The following MAPK8IP2 variants were observed in gnomAD, a reference collection of about 807,000 sequenced individuals.
The protein encoded by MAPK8IP2 is C-Jun-amino-terminal kinase-interacting protein 2.
A neutral mutation model predicts 75.6 loss-of-function variants in MAPK8IP2; 15 were observed. The ratio of observed to expected loss-of-function variants is 0.20; its 90% CI spans 0.13 to 0.31. The LOEUF (loss-of-function observed/expected upper bound fraction) is 0.31, where lower values mean the gene tolerates loss of function less well. Among genes scored for constraint, MAPK8IP2 ranks in the 10% least tolerant of loss-of-function variants. The pLI, the probability that MAPK8IP2 is intolerant of heterozygous loss-of-function variation, is 1.00. For synonymous variants in MAPK8IP2, 632 were observed against 554.5 expected (o/e 1.14, Z -1.96); for missense variants, 1,089 against 1,211.2 (o/e 0.90, Z 1.50).
chr22:50,601,591 C>T (rs948898458), intron 1 of MAPK8IP2, 198 bp from the exon 2 acceptor site: 12 of 562,118 alleles, frequency 2.1e-5, no homozygotes, highest in Non-Finnish European at 3.9e-5. Context: ...TCCGGGCAGG[C>T]CTGGCTCAGA....
In MAPK8IP2 at chr22:50,611,627, C is replaced by G. The variant is rs2071152799; in HGVS notation, c.*848C>G. On this transcript the variant is annotated 3_prime_UTR_variant, in exon 12 of 12. Coordinates refer to ENST00000329492, the MANE Select transcript of MAPK8IP2 (RefSeq NM_012324.6). This position sits in a 1 kb window ranked among gnomAD's most constrained non-coding sequence, Gnocchi z 5.5. ...GCCCATTGTGGTAGGGACAGAGTCC[C>G]CAGTGGCGGGAGTGTTGTGGCAATC... is the stretch of plus-strand genomic sequence containing the variant. 2.0e-5 allele frequency: 3 copies of G among 152,518 alleles called. No individual in the cohort carries two copies. The highest frequency in any genetic ancestry group is 1.9e-4 in the East Asian group (1 of 5,188). The allele number at this position is 152,518 out of a possible 1,614,324, so 9.4% of individuals were successfully genotyped here.
chr22:50,610,877 G>A lies in MAPK8IP2; in HGVS notation c.*98G>A, dbSNP rs2071137819. 9.4e-7 allele frequency: 1 copy of A among 1,058,876 alleles called. No individual in the cohort carries two copies. The highest frequency in any genetic ancestry group is 1.6e-5 in the African/African-American group (1 of 63,342). The allele number at this position is 1,058,876 out of a possible 1,614,324, so 65.6% of individuals were successfully genotyped here. A position where few individuals can be genotyped will look rare whatever the true frequency, so the allele number is the denominator to read the frequency against. ...CATGGCTTTGGCAAGGACTGGATTG[G>A]GGGGACATGGGACCTTACGCTTGTG... On this transcript the variant is annotated 3_prime_UTR_variant, in exon 12 of 12. Transcript: ENST00000329492. The surrounding 1 kb of genome is among the most constrained non-coding windows in gnomAD (Gnocchi z 4.3).
rs1470814170 is a variant in MAPK8IP2, at chr22:50,601,868, A to G, written c.145A>G (p.Ser49Gly). Residue 49 changes from serine to glycine, a missense_variant, in exon 2 of 12, where the codon AGC (serine) becomes GGC (glycine). This residue lies in a region of MAPK8IP2 where 960 missense variants were observed against 1,009.6 expected (regional missense o/e 0.95). Transcript: ENST00000329492. ...CACTGATGACTGTGGCCTGGGCCTC[A>G]GCTACGACTCAGACCACTGTGAGAA... Reference protein sequence around the residue: ...EITDDCGLGLSYDSDHCEKDS... With the variant: ...EITDDCGLGLGYDSDHCEKDS... The G allele has an allele frequency of 8.7e-6, 14 of 1,613,726 alleles. No individual in the cohort carries two copies. The highest frequency in any genetic ancestry group is 3.3e-4 in the Middle Eastern group (2 of 6,080).
chr22:50,603,577 C>A (rs41282361), intron 3 of MAPK8IP2, 49 bp from the exon 4 acceptor site: 2 of 1,581,736 alleles, frequency 1.3e-6, no homozygotes, highest in East Asian at 2.3e-5. Context: ...CTGCTCACCC[C>A]CTGGGAGCTG....
Position 50,604,546 on chromosome 22 carries a change from C to A in MAPK8IP2, c.1247C>A (p.Ala416Glu), listed in dbSNP as rs2071007865. 8.8e-7 allele frequency: 1 copy of A among 1,141,534 alleles called. No individual in the cohort carries two copies. The highest frequency in any genetic ancestry group is 4.9e-5 in the Admixed American group (1 of 20,240). 70.7% of individuals were successfully genotyped at this position (1,141,534 alleles called of 1,614,324 possible). A position where few individuals can be genotyped will look rare whatever the true frequency, so the allele number is the denominator to read the frequency against. ...VELVDMETLC[A>E]PPPPAPAAPR... ...CTGGTGGACATGGAGACGCTGTGCG[C>A]GCCGCCGCCGCCCGCGCCCGCCGCG... The change falls in exon 5 of 12, where the codon GCG becomes GAG. Residue 416 changes from alanine (A) to glutamate (E), a missense_variant. Around this residue, in one of 2 missense-constraint regions of MAPK8IP2, gnomAD observed 960 missense variants for 1,009.6 expected, o/e 0.95. Coordinates refer to ENST00000329492, the MANE Select transcript of MAPK8IP2 (RefSeq NM_012324.6).
intron 9 of MAPK8IP2, 47 bp downstream of exon 9, chr22:50,606,812 G>A: frequency 6.3e-7 from 1 of 1,592,160 alleles, no homozygotes; most frequent in Non-Finnish European, 8.6e-7. Context: ...GATAGGGTTA[G>A]GCCACGGAGT....
rs766421883 is a variant in MAPK8IP2, at chr22:50,605,703, T to C, written c.1983T>C (p.His661=). 8.1e-6 allele frequency: 13 copies of C among 1,610,874 alleles called. No individual in the cohort carries two copies. In the African/African-American group the frequency reaches 1.6e-4, roughly 20 times the overall value. The change falls in exon 7 of 12, where the codon CAT becomes CAC. Residue 661 remains histidine (H), a synonymous_variant. Coordinates refer to ENST00000329492, the MANE Select transcript of MAPK8IP2 (RefSeq NM_012324.6). ...ERGVFPAFYA[H]AVPGPAKDLL... ...GTGTGTTTCCTGCCTTCTACGCCCA[T>C]GCGGTGCCCGGCCCTGCCAAGGACC...
Position 50,604,595 on chromosome 22 carries a change from C to G in MAPK8IP2, c.1296C>G (p.Pro432=). The G allele has an allele frequency of 1.4e-6, 2 of 1,456,032 alleles. No homozygotes were observed. Among genetic ancestry groups the G allele is most frequent in the Middle Eastern group, 2.5e-4 (1 of 4,052 alleles). 90.2% of individuals were successfully genotyped at this position (1,456,032 alleles called of 1,614,324 possible). A position where few individuals can be genotyped will look rare whatever the true frequency, so the allele number is the denominator to read the frequency against. Residue 432 remains proline (P), a synonymous_variant, in exon 5 of 12, where the codon CCC becomes CCG. Coordinates refer to ENST00000329492, the MANE Select transcript of MAPK8IP2 (RefSeq NM_012324.6). ...PAAPRPGPAQ[P]GPCLFLSNPT... is the part of the protein sequence containing the mutation. The stretch of plus-strand genomic sequence containing the variant: ...CGCCTCGACCCGGCCCCGCGCAGCC[C>G]GGGCCCTGCCTATTCCTCAGCAACC...
In MAPK8IP2 at chr22:50,604,390, C is replaced by T. The variant is rs538471138; in HGVS notation, c.1091C>T (p.Ser364Leu). 2.6e-6 allele frequency: 4 copies of T among 1,524,298 alleles called. No homozygotes were observed. The African/African-American group carries it at 4.2e-5, about 16-fold the overall frequency. The allele number at this position is 1,524,298 out of a possible 1,614,324, so 94.4% of individuals were successfully genotyped here. A position where few individuals can be genotyped will look rare whatever the true frequency, so the allele number is the denominator to read the frequency against. ...LVSRMISEGS[S>L]PIRCPGQCLS... ...AGCCGCATGATCTCCGAGGGCTCCT[C>T]GCCCATCCGCTGCCCCGGCCAGTGC... Residue 364 changes from serine to leucine, a missense_variant, in exon 5 of 12, where the codon TCG becomes TTG. Physicochemically the swap from Ser to Leu is moderately radical, Grantham distance 145. Coordinates refer to ENST00000329492, the MANE Select transcript of MAPK8IP2 (RefSeq NM_012324.6).
chr22:50,605,164 G>T (rs573643014), intron 5 of MAPK8IP2, 100 bp downstream of exon 5: 8 of 1,417,530 alleles, frequency 5.6e-6, no homozygotes, highest in Non-Finnish European at 7.8e-6. Context: ...CCACCTGAGG[G>T]TCTGGCTGTG....
At position 50,613,966 on chromosome 22, in the gene MAPK8IP2, G is replaced by A. The variant is rs2071188041; in HGVS notation, c.*3187G>A. ...AAGGATGGCGTTCTAAATAAAACGC[G>A]TTCTACAGAAAAGTGTTTATTGCAT... On this transcript the variant is annotated 3_prime_UTR_variant, in exon 12 of 12. Coordinates refer to ENST00000329492, the MANE Select transcript of MAPK8IP2 (RefSeq NM_012324.6). The A allele has an allele frequency of 6.6e-6, 1 of 152,234 alleles. No individual in the cohort carries two copies. The highest frequency in any genetic ancestry group is 6.5e-5 in the Admixed American group (1 of 15,278). 9.4% of individuals were successfully genotyped at this position (152,234 alleles called of 1,614,324 possible). A position where few individuals can be genotyped will look rare whatever the true frequency, so the allele number is the denominator to read the frequency against.
chr22:50,600,839 G>GT lies in MAPK8IP2; in HGVS notation c.25dup (p.Ser9PhefsTer25). On this transcript the variant is annotated frameshift_variant, in exon 1 of 12. Coordinates refer to ENST00000329492, the MANE Select transcript of MAPK8IP2 (RefSeq NM_012324.6). LOFTEE classifies it high-confidence loss of function. The stretch of plus-strand genomic sequence containing the variant: ...AGAAGATGGCGGATCGCGCGGAGAT[G>GT]TTTTCTCTCTCCACCTTCCACTCGC... 2.3e-6 allele frequency: 3 copies of GT among 1,310,682 alleles called. No homozygotes were observed. Among genetic ancestry groups the GT allele is most frequent in the East Asian group, 5.3e-5 (1 of 18,742 alleles). The allele number at this position is 1,310,682 out of a possible 1,614,324, so 81.2% of individuals were successfully genotyped here.
At position 50,607,945 on chromosome 22, in the gene MAPK8IP2, CTG is replaced by C. The variant is rs1491542476; in HGVS notation, c.2303+958_2303+959del. ...CCCTCCAGGCACAGGCCCCTGCCCT[CTG>C]TGTCCCAGCACCCTAGAGGAAGGAG... On this transcript the variant is annotated intron_variant, in intron 10 of 11. Coordinates refer to ENST00000329492, the MANE Select transcript of MAPK8IP2 (RefSeq NM_012324.6). The surrounding 1 kb of genome is among the most constrained non-coding windows in gnomAD (Gnocchi z 5.6). 2.6e-5 allele frequency among the ~76,000 whole-genome samples: 4 copies of C among 152,142 alleles called. No homozygotes were observed. Among genetic ancestry groups the C allele is most frequent in the Non-Finnish European group, 5.9e-5 (4 of 68,014 alleles).
At chr22:50,603,755 G>C (rs1290616350) in intron 4 of MAPK8IP2, 36 bp downstream of exon 4, 4 of 1,540,534 alleles carry the variant, frequency 2.6e-6, no homozygotes, top group South Asian at 2.4e-5. Context: ...GCGGGGAAGC[G>C]GGGGAGGAGG....
At position 50,610,875 on chromosome 22, in the gene MAPK8IP2, TGGG is replaced by T; in HGVS notation, c.*100_*102del. ...ACCATGGCTTTGGCAAGGACTGGAT[TGGG>T]GGGACATGGGACCTTACGCTTGTGG... On this transcript the variant is annotated 3_prime_UTR_variant, in exon 12 of 12. Transcript: ENST00000329492. The surrounding 1 kb of genome is among the most constrained non-coding windows in gnomAD (Gnocchi z 4.3). 1 of 1,051,648 alleles carries T rather than the reference TGGG, an allele frequency of 9.5e-7. No individual in the cohort carries two copies. The allele number at this position is 1,051,648 out of a possible 1,614,324, so 65.1% of individuals were successfully genotyped here.
chr22:50,607,001 T>G lies in MAPK8IP2; in HGVS notation c.2303+10T>G, dbSNP rs2071064082. On this transcript the variant is annotated intron_variant, in intron 10 of 11. Transcript: ENST00000329492. This position sits in a 1 kb window ranked among gnomAD's most constrained non-coding sequence, Gnocchi z 5.6. ...ATCCCCGCAACAGCTGGTGAGAGTC[T>G]GACCGTCCCCGAGTCCCCCAACCGC... 4.3e-6 allele frequency: 7 copies of G among 1,611,668 alleles called. No homozygotes were observed. The East Asian group carries it at 1.6e-4, about 36-fold the overall frequency.
Position 50,605,648 on chromosome 22 carries a change from G to A in MAPK8IP2, c.1928G>A (p.Arg643His), listed in dbSNP as rs777113420. 9.3e-6 allele frequency: 15 copies of A among 1,612,328 alleles called. No individual in the cohort carries two copies. Among genetic ancestry groups the A allele is most frequent in the South Asian group, 8.8e-5 (8 of 90,884 alleles). Reference sequence around the variant, plus strand: ...GCCGAGGAGGACGACTTCTGGTTCCGTGGCTTCAACATGCGCACGGGGGAG... The same window carrying A: ...GCCGAGGAGGACGACTTCTGGTTCCATGGCTTCAACATGCGCACGGGGGAG... The part of the protein sequence containing the change: ...VEAEEDDFWF[R>H]GFNMRTGERG... The change falls in exon 7 of 12, where the codon CGT becomes CAT. Residue 643 changes from arginine (R) to histidine (H), a missense_variant. Transcript: ENST00000329492.
chr22:50,602,172 C>T (rs1322490012), intron 2 of MAPK8IP2, among the ~76,000 whole-genome samples: 2 of 152,206 alleles, frequency 1.3e-5, no homozygotes, highest in Admixed American at 1.3e-4. Context: ...TTTGGGTGCC[C>T]TCTGTCCTCA....
At chr22:50,601,917 A>G in intron 2 of MAPK8IP2, 23 bp downstream of exon 2, 2 of 1,586,852 alleles carry the variant, frequency 1.3e-6, no homozygotes, top group Non-Finnish European at 8.7e-7. Flanking sequence ...TTGGGGACAC[A>G]GATCCAGCTC....
Sources: gnomAD v4.1 joint callset for allele counts (sites outside exome capture counted in the v4.1 genomes callset) on GRCh38, gnomAD v4.1.1 for gene constraint, gnomAD v4.1.1 regional missense constraint, Gnocchi (gnomAD v3.1) non-coding constraint, MANE v1.5 for transcripts, NCBI Gene and HGNC (gene_info 2026-07-23, HGNC 2026-07-21) for gene names.